PPFIA2: variants seen among roughly 807,000 people sequenced by gnomAD.
PPFIA2 encodes liprin-alpha-2.
Under a neutral mutation model 175.5 loss-of-function variants are expected in PPFIA2, and 46 were observed. The ratio of observed to expected loss-of-function variants is 0.26; its 90% CI spans 0.21 to 0.34. The LOEUF (loss-of-function observed/expected upper bound fraction) is 0.34. Among genes scored for constraint, PPFIA2 ranks in the 10% least tolerant of loss-of-function variants. The pLI, the probability that PPFIA2 is intolerant of heterozygous loss-of-function variation, is 1.00. For synonymous variants in PPFIA2, 568 were observed against 511.4 expected, an observed-to-expected ratio of 1.11 and a Z score of -1.49; for missense variants, 1,179 against 1,506.1, an observed-to-expected ratio of 0.78 and a Z score of 3.60.
At chr12:81,335,777 C>A (rs886248910) in intron 21 of PPFIA2, among the ~76,000 whole-genome samples, 1 of 146,420 alleles carries the variant, frequency 6.8e-6, no homozygotes, top group Non-Finnish European at 1.5e-5. Context: ...ACAACAACAA[C>A]AAAAAGACAA....
At chr12:81,437,363 G>A (rs904203131) in intron 7 of PPFIA2, among the ~76,000 whole-genome samples, 1 of 152,046 alleles carries the variant, frequency 6.6e-6, no homozygotes, top group African/African-American at 2.4e-5. Flanking sequence ...CCAAGTAGCT[G>A]GGACTACAGG....
chr12:81,435,571 G>GGAGAGAGA (rs1021732746), intron 7 of PPFIA2, among the ~76,000 whole-genome samples: 24 of 151,772 alleles, frequency 1.6e-4, no homozygotes, highest in African/African-American at 5.8e-4. Flanking sequence ...GGTGGGAGGA[G>GGAGAGAGA]GAGAGAGAGA....
At chr12:81,420,542 G>C (rs1338588118) in intron 7 of PPFIA2, among the ~76,000 whole-genome samples, 1 of 151,830 alleles carries the variant, frequency 6.6e-6, no homozygotes, top group Non-Finnish European at 1.5e-5. Context: ...AACTACAATA[G>C]AGTGCTTCAA....
At chr12:81,288,065 T>A (rs112127513) in intron 24 of PPFIA2, among the ~76,000 whole-genome samples, 5 of 151,972 alleles carry the variant, frequency 3.3e-5, no homozygotes, top group African/African-American at 1.2e-4. Context: ...AAAATTTCAA[T>A]TATATTATCA....
At chr12:81,629,790 G>A (rs192224354) in intron 4 of PPFIA2, among the ~76,000 whole-genome samples, 3 of 152,246 alleles carry the variant, frequency 2.0e-5, no homozygotes, top group Non-Finnish European at 4.4e-5. Flanking sequence ...GAACACTGCT[G>A]TTGTTGGTGA....
chr12:81,463,625 A>G (rs1179996018), intron 4 of PPFIA2, among the ~76,000 whole-genome samples: 1 of 152,208 alleles, frequency 6.6e-6, no homozygotes, highest in South Asian at 2.1e-4. Flanking sequence ...GCACATCACA[A>G]ACACATTTAT....
At chr12:81,587,617 A>G (rs1318983629) in intron 4 of PPFIA2, among the ~76,000 whole-genome samples, 2 of 152,088 alleles carry the variant, frequency 1.3e-5, no homozygotes, top group Admixed American at 6.6e-5. Flanking sequence ...ATGGTAGCAA[A>G]GTTAAATATG....
At chr12:81,564,531 T>C (rs2070888087) in intron 4 of PPFIA2, among the ~76,000 whole-genome samples, 1 of 152,178 alleles carries the variant, frequency 6.6e-6, no homozygotes, top group Non-Finnish European at 1.5e-5. Context: ...CTGCTTAATA[T>C]GATTAGGCCC....
intron 4 of PPFIA2, among the ~76,000 whole-genome samples, chr12:81,661,863 T>G (rs965015972): frequency 6.6e-6 from 1 of 152,026 alleles, no homozygotes; most frequent in Admixed American, 6.6e-5. Context: ...CAGACCACAG[T>G]GCAATCAAAC....
intron 22 of PPFIA2, among the ~76,000 whole-genome samples, chr12:81,310,105 C>A (rs932777819): frequency 1.3e-5 from 2 of 151,988 alleles, no homozygotes; most frequent in Non-Finnish European, 1.5e-5. Context: ...TAATTTTAAG[C>A]CCTCTTTTAC....
chr12:81,288,799 C>A (rs1015501586), intron 24 of PPFIA2, among the ~76,000 whole-genome samples: 4 of 151,712 alleles, frequency 2.6e-5, no homozygotes, highest in African/African-American at 7.3e-5. Context: ...TAAGATAAAT[C>A]CTTCTCATTA....
At chr12:81,577,164 C>T (rs761265488) in intron 4 of PPFIA2, among the ~76,000 whole-genome samples, 16 of 151,782 alleles carry the variant, frequency 1.1e-4, no homozygotes, top group Non-Finnish European at 1.5e-4. Flanking sequence ...ATTAGAATAT[C>T]TTGTCTTTCA....
At chr12:81,486,511 GA>G (rs1567025047) in intron 4 of PPFIA2, among the ~76,000 whole-genome samples, 1 of 151,880 alleles carries the variant, frequency 6.6e-6, no homozygotes, top group South Asian at 2.1e-4. Flanking sequence ...ATTGCCTTAG[GA>G]AAAAATTCTA....
intron 8 of PPFIA2, among the ~76,000 whole-genome samples, chr12:81,400,943 AT>A (rs2042001298): frequency 6.6e-6 from 1 of 152,180 alleles, no homozygotes; most frequent in African/African-American, 2.4e-5. Flanking sequence ...CATGACACGT[AT>A]AAAAATTCAC....
chr12:81,462,585 C>CATATATATATATATATATATATATACAT (rs71098145), intron 4 of PPFIA2, among the ~76,000 whole-genome samples: 72 of 124,670 alleles, frequency 5.8e-4, no homozygotes, highest in East Asian at 1.8e-3. Context: ...TATATATATA[C>CATATATATATATATATATATATATACAT]ATATATATAT....
At chr12:81,608,145 C>T (rs2060519044) in intron 4 of PPFIA2, among the ~76,000 whole-genome samples, 1 of 152,016 alleles carries the variant, frequency 6.6e-6, no homozygotes, top group Admixed American at 6.6e-5. Context: ...GAATCAAGCC[C>T]ACTTGATTGT....
intron 3 of PPFIA2, among the ~76,000 whole-genome samples, chr12:81,720,099 G>A (rs2079127418): frequency 6.6e-6 from 1 of 151,386 alleles, no homozygotes; most frequent in Non-Finnish European, 1.5e-5. Flanking sequence ...AAGAGGTCAA[G>A]TGTAAATTCT....
intron 3 of PPFIA2, among the ~76,000 whole-genome samples, chr12:81,723,396 C>T (rs2079610100): frequency 6.6e-6 from 1 of 150,978 alleles, no homozygotes; most frequent in African/African-American, 2.4e-5. Context: ...CAGACACAGA[C>T]AGCTGAAAGA....
At chr12:81,282,902 T>G (rs2042398019) in intron 26 of PPFIA2, 108 bp downstream of exon 26, 19 of 908,442 alleles carry the variant, frequency 2.1e-5, no homozygotes, top group Non-Finnish European at 3.0e-5. Context: ...AGCCTAATAT[T>G]GAGCTAAGTG....
Sources: gnomAD v4.1 joint callset for allele counts (sites outside exome capture counted in the v4.1 genomes callset) on GRCh38, gnomAD v4.1.1 for gene constraint, MANE v1.5 for transcripts, NCBI Gene and HGNC (gene_info 2026-07-23, HGNC 2026-07-21) for gene names.